Variants in PKMYT1 observed in about 807,000 individuals in gnomAD.
PKMYT1 encodes membrane-associated tyrosine- and threonine-specific cdc2-inhibitory kinase.
Under a neutral mutation model 49.7 loss-of-function variants are expected in PKMYT1, and 35 were observed. The ratio of observed to expected loss-of-function variants is 0.70; its 90% CI spans 0.54 to 0.93. PKMYT1 has a LOEUF of 0.93. Ranked by LOEUF, PKMYT1 falls within the 40% of genes least tolerant of loss-of-function variation. The pLI is 0.00. For synonymous variants in PKMYT1, 331 were observed against 287.6 expected (o/e 1.15, Z -1.53); for missense variants, 677 against 673.1 (o/e 1.01, Z -0.06).
chr16:2,976,716 C>T lies in PKMYT1; in HGVS notation c.326G>A (p.Ser109Asn). 2.0e-6 allele frequency: 3 copies of T among 1,492,812 alleles called. No individual in the cohort carries two copies. The highest frequency in any genetic ancestry group is 2.7e-6 in the Non-Finnish European group (3 of 1,118,692). 92.5% of individuals were successfully genotyped at this position (1,492,812 alleles called of 1,614,324 possible). A position where few individuals can be genotyped will look rare whatever the true frequency, so the allele number is the denominator to read the frequency against. ...GCCCAGGCGGCTGAGCCTCTGGAAG[C>T]TCTGCTGGAAGAAGGACTCTGGCCG... ...PSRPESFFQQ[S>N]FQRLSRLGHG... is the part of the protein sequence containing the mutation. The change falls in exon 3 of 9, where the codon AGC (serine) becomes AAC (asparagine). Residue 109 changes from serine (S) to asparagine (N), a missense_variant. Ser to Asn is a conservative substitution (Grantham distance 46, BLOSUM62 1). Coordinates refer to ENST00000262300, the MANE Select transcript of PKMYT1 (RefSeq NM_004203.5).
In PKMYT1 at chr16:2,976,490, T is replaced by C. The variant is rs150858968; in HGVS notation, c.378+174A>G. Among the ~76,000 whole-genome samples, 150 of 152,258 alleles carry C rather than the reference T, an allele frequency of 9.9e-4. 1 individual carries two copies. The East Asian group carries it at 0.013, about 14-fold the overall frequency. On this transcript the variant is annotated intron_variant, in intron 3 of 8. Coordinates refer to ENST00000262300, the MANE Select transcript of PKMYT1 (RefSeq NM_004203.5). ...AGAGCAACCCCTGGAGGGGCCTGCA[T>C]TGGGGATGATGGGAGCAGCCAAGTC...
At chr16:2,973,441 A>C in intron 7 of PKMYT1, 2 of 1,527,830 alleles carry the variant, frequency 1.3e-6, no homozygotes, top group Non-Finnish European at 1.8e-6. Flanking sequence ...TTCAGAACAC[A>C]TGGACTTGGA....
Position 2,974,163 on chromosome 16 carries a change from G to A in PKMYT1, c.1153-6C>T, listed in dbSNP as rs1224680326. The A allele has an allele frequency of 6.3e-7, 1 of 1,595,024 alleles. No homozygotes were observed. The highest frequency in any genetic ancestry group is 8.5e-7 in the Non-Finnish European group (1 of 1,170,798). Reference sequence around the variant, plus strand: ...CAGAGCAGGGCAAGCAGGGCCTGTGGGGGAGAGGAGCTCAGGATGTGGGTG... The same window carrying A: ...CAGAGCAGGGCAAGCAGGGCCTGTGAGGGAGAGGAGCTCAGGATGTGGGTG... On this transcript the variant is annotated splice_region_variant and splice_polypyrimidine_tract_variant and intron_variant, in intron 6 of 8. Transcript: ENST00000262300.
At chr16:2,979,577 C>G (rs2072288287) in intron 2 of PKMYT1, 71 bp downstream of exon 2, 3 of 1,300,418 alleles carry the variant, frequency 2.3e-6, no homozygotes, top group Admixed American at 3.4e-5. Flanking sequence ...AGGCCCAACC[C>G]TGGCACACTC....
chr16:2,974,008 G>A lies in PKMYT1; in HGVS notation c.1302C>T (p.Asp434=). The A allele has an allele frequency of 6.2e-7, 1 of 1,612,748 alleles. No homozygotes were observed. The highest frequency in any genetic ancestry group is 8.5e-7 in the Non-Finnish European group (1 of 1,179,878). The change falls in exon 7 of 9, where the codon GAC becomes GAT. Residue 434 remains aspartate (D), a synonymous_variant. Coordinates refer to ENST00000262300, the MANE Select transcript of PKMYT1 (RefSeq NM_004203.5). ...CCTGCACTTGAACCCACCCTAGGCT[G>A]TCGTCATCCCAGTTGCTGGAGAGGC... ...DSSLSSNWDD[D]SLGPSLSPEA...
chr16:2,975,259 T>A, intron 4 of PKMYT1, 60 bp downstream of exon 4: 1 of 1,498,456 alleles, frequency 6.7e-7, no homozygotes, highest in Non-Finnish European at 8.9e-7. Context: ...GGAATGGAGC[T>A]TCCGTCCCAG....
At chr16:2,977,295 A>C (rs4149782) in intron 2 of PKMYT1, 544,951 of 1,304,382 alleles carry the variant, frequency 0.42, 116,709 homozygotes, top group Non-Finnish European at 0.44. Context: ...AGGGTCTTGC[A>C]GTCGGGTTAA....
chr16:2,975,213 CG>C, intron 4 of PKMYT1, 105 bp downstream of exon 4: 6 of 1,321,012 alleles, frequency 4.5e-6, no homozygotes, highest in Non-Finnish European at 5.0e-6. Flanking sequence ...GCTCTGAGGC[CG>C]GGTGTCCTGG....
In PKMYT1 at chr16:2,974,199, C is replaced by T. The variant is rs773367318; in HGVS notation, c.1153-42G>A. On this transcript the variant is annotated intron_variant, in intron 6 of 8. Coordinates refer to ENST00000262300, the MANE Select transcript of PKMYT1 (RefSeq NM_004203.5). Reference sequence around the variant, plus strand: ...CTCAGGATGTGGGTGGGCGGACCCCCGGGGCTGGGGAGCAGGGCAGGCAGC... The same window carrying T: ...CTCAGGATGTGGGTGGGCGGACCCCTGGGGCTGGGGAGCAGGGCAGGCAGC... 47 of 1,561,264 alleles carry T rather than the reference C, an allele frequency of 3.0e-5. 1 individual carries two copies. The highest frequency in any genetic ancestry group is 2.4e-4 in the South Asian group (21 of 86,006).
intron 1 of PKMYT1, 155 bp downstream of exon 1, chr16:2,980,131 A>G: frequency 6.0e-6 from 1 of 167,536 alleles, no homozygotes; most frequent in Non-Finnish European, 1.3e-5. Context: ...GGAATTGGGG[A>G]GGACGGGAGG....
At chr16:2,977,652 A>G (rs555647530) in intron 2 of PKMYT1, 1 of 240,000 alleles carries the variant, frequency 4.2e-6, no homozygotes, top group East Asian at 1.8e-4. Context: ...TTTACACAAG[A>G]AAACCTGCCA....
chr16:2,974,198 C>T (rs2072110189), intron 6 of PKMYT1, 41 bp from the exon 7 acceptor site: 2 of 1,564,396 alleles, frequency 1.3e-6, no homozygotes. Context: ...GGGCGGACCC[C>T]CGGGGCTGGG....
intron 2 of PKMYT1, among the ~76,000 whole-genome samples, chr16:2,978,535 G>A (rs1044827779): frequency 1.1e-4 from 17 of 152,096 alleles, no homozygotes; most frequent in African/African-American, 3.9e-4. Context: ...ATCACCTGAG[G>A]TGAGGAGTTC....
chr16:2,974,677 A>C, intron 4 of PKMYT1, 21 bp from the exon 5 acceptor site: 1 of 1,505,428 alleles, frequency 6.6e-7, no homozygotes, highest in Non-Finnish European at 9.0e-7. Context: ...CGGGATGGGG[A>C]CAGAAAGGGG....
chr16:2,973,367 G>A, intron 7 of PKMYT1, 152 bp from the exon 8 acceptor site: 1 of 1,541,548 alleles, frequency 6.5e-7, no homozygotes, highest in Non-Finnish European at 8.7e-7. Context: ...CACTCTGAAA[G>A]CAGCACTTGG....
Position 2,976,684 on chromosome 16 carries a change from A to G in PKMYT1, c.358T>C (p.Ser120Pro), listed in dbSNP as rs765329664. Residue 120 changes from serine to proline, a missense_variant, in exon 3 of 9, where the codon TCC becomes CCC. Physicochemically the swap from Ser to Pro is moderately conservative, Grantham distance 74. Transcript: ENST00000262300. ...CTCACCTTGAAGACCTCTCCGTAGG[A>G]GCCATGGCCCAGGCGGCTGAGCCTC... ...FQRLSRLGHGSYGEVFKVRSK... is the reference protein window; with the variant it reads ...FQRLSRLGHGPYGEVFKVRSK... 6.7e-7 allele frequency: 1 copy of G among 1,484,432 alleles called. No individual in the cohort carries two copies. Among genetic ancestry groups the G allele is most frequent in the African/African-American group, 1.4e-5 (1 of 71,188 alleles). The allele number at this position is 1,484,432 out of a possible 1,614,324, so 92.0% of individuals were successfully genotyped here. A position where few individuals can be genotyped will look rare whatever the true frequency, so the allele number is the denominator to read the frequency against.
chr16:2,976,166 ATGT>A (rs1234861356), intron 3 of PKMYT1: 2 of 303,716 alleles, frequency 6.6e-6, no homozygotes, highest in East Asian at 5.6e-5. Context: ...CTGGGGGCCA[ATGT>A]TGTTTGTACT....
Position 2,974,168 on chromosome 16 carries a change from G to A in PKMYT1, c.1153-11C>T, listed in dbSNP as rs534253974. ...CAGGGCAAGCAGGGCCTGTGGGGGA[G>A]AGGAGCTCAGGATGTGGGTGGGCGG... On this transcript the variant is annotated splice_polypyrimidine_tract_variant and intron_variant, in intron 6 of 8. Coordinates refer to ENST00000262300, the MANE Select transcript of PKMYT1 (RefSeq NM_004203.5). 683 of 1,592,924 alleles carry A rather than the reference G, an allele frequency of 4.3e-4. 8 individuals are homozygous for A. The South Asian group carries it at 7.3e-3, about 17-fold the overall frequency.
At chr16:2,977,957 A>T (rs1299238687) in intron 2 of PKMYT1, among the ~76,000 whole-genome samples, 1 of 152,198 alleles carries the variant, frequency 6.6e-6, no homozygotes. Flanking sequence ...TAGAGGCTAT[A>T]TCTCAGGCCC....
Sources: gnomAD v4.1 joint callset for allele counts (sites outside exome capture counted in the v4.1 genomes callset) on GRCh38, gnomAD v4.1.1 for gene constraint, MANE v1.5 for transcripts, NCBI Gene and HGNC (gene_info 2026-07-23, HGNC 2026-07-21) for gene names.